Variants in SNX31 observed in about 807,000 individuals in gnomAD.
SNX31 encodes sorting nexin 31.
A neutral mutation model predicts 65.4 loss-of-function variants in SNX31; 58 were observed. The observed-to-expected ratio is 0.89, with a 90% CI of 0.72 to 1.10. SNX31 has a LOEUF of 1.10. SNX31 is among the 50% of genes least tolerant of loss of function. The pLI is 0.00. For synonymous variants in SNX31, 181 were observed against 190.1 expected (o/e 0.95, Z 0.39); for missense variants, 523 against 529.7 (o/e 0.99, Z 0.12).
chr8:100,652,062 T>A (rs2131310714), upstream of SNX31, among the ~76,000 whole-genome samples: 1 of 152,184 alleles, frequency 6.6e-6, no homozygotes, highest in Non-Finnish European at 1.5e-5. Flanking sequence ...CACTGCAAGC[T>A]CCACCTCCCG....
chr8:100,613,049 A>T lies in SNX31; in HGVS notation c.469T>A (p.Leu157Met). The part of the protein sequence containing the change: ...SHKIGLCREL[L>M]GYFGLFLIRF... Reference sequence around the variant, plus strand: ...ATGAGAAAGAGGCCGAAGTAGCCCAAGAGCTCTCGACACAGTCCAATTTTG... The same window carrying T: ...ATGAGAAAGAGGCCGAAGTAGCCCATGAGCTCTCGACACAGTCCAATTTTG... Residue 157 changes from leucine (L) to methionine (M), a missense_variant, in exon 6 of 14, where the codon TTG (leucine) becomes ATG (methionine). By Grantham distance (15) the Leu-to-Met change is conservative (BLOSUM62 2). Transcript: ENST00000311812. This position sits in a 1 kb window ranked among gnomAD's most constrained non-coding sequence, Gnocchi z 5.2. 1 of 1,614,050 alleles carries T rather than the reference A, an allele frequency of 6.2e-7. No homozygotes were observed. The highest frequency in any genetic ancestry group is 8.5e-7 in the Non-Finnish European group (1 of 1,179,980).
chr8:100,628,005 G>A (rs1818160665), intron 4 of SNX31, among the ~76,000 whole-genome samples: 1 of 152,160 alleles, frequency 6.6e-6, no homozygotes, highest in Non-Finnish European at 1.5e-5. Context: ...ATCATCACTG[G>A]CCATCAGAGA....
At chr8:100,619,955 T>A (rs1817562972) in intron 4 of SNX31, 1 of 151,846 alleles carries the variant, frequency 6.6e-6, no homozygotes. Context: ...GTAACCTCCT[T>A]TTTTTTTAAG....
intron 12 of SNX31, among the ~76,000 whole-genome samples, chr8:100,579,224 C>T (rs1386112727): frequency 6.6e-6 from 1 of 152,070 alleles, no homozygotes; most frequent in Non-Finnish European, 1.5e-5. Flanking sequence ...CTCCTGCTCC[C>T]TATGTCAAAG....
chr8:100,581,333 C>CTATA (rs1330316859), intron 12 of SNX31, among the ~76,000 whole-genome samples: 7 of 137,226 alleles, frequency 5.1e-5, no homozygotes, highest in South Asian at 2.2e-4. Flanking sequence ...ATCTATCTAT[C>CTATA]TATCTATATA....
chr8:100,618,366 A>T, intron 4 of SNX31: 1 of 1,533,020 alleles, frequency 6.5e-7, no homozygotes, highest in South Asian at 1.2e-5. Context: ...CCTAAAGCCC[A>T]TATCCCTGAT....
At position 100,617,746 on chromosome 8, in the gene SNX31, A is replaced by G. The variant is rs1455166906; in HGVS notation, c.322-16T>C. 1.9e-6 allele frequency: 3 copies of G among 1,580,232 alleles called. No individual in the cohort carries two copies. In the African/African-American group the frequency reaches 4.1e-5, roughly 22 times the overall value. On this transcript the variant is annotated splice_polypyrimidine_tract_variant and intron_variant, in intron 4 of 13. Transcript: ENST00000311812. ...CAAATGTATTCTATAAGCAAAAGAA[A>G]AGCAAAATAAATTTCCACACCTTTT...
rs775401650 is a variant in SNX31, at chr8:100,660,808, T to C, written c.-58+2334A>G. ...ACACTAGAATCATAAATCTGAATAA[T>C]ATTTGTAAAAGGGCTGCTTTGAGAG... On this transcript the variant is annotated intron_variant, in intron 1 of 5. Transcript: ENST00000520352. This position sits in a 1 kb window ranked among gnomAD's most constrained non-coding sequence, Gnocchi z 4.1. 1.3e-5 allele frequency among the ~76,000 whole-genome samples: 2 copies of C among 152,160 alleles called. No homozygotes were observed. Among genetic ancestry groups the C allele is most frequent in the Admixed American group, 6.5e-5 (1 of 15,276 alleles).
At chr8:100,581,425 C>A (rs1813546117) in intron 12 of SNX31, among the ~76,000 whole-genome samples, 1 of 150,596 alleles carries the variant, frequency 6.6e-6, no homozygotes, top group Non-Finnish European at 1.5e-5. Flanking sequence ...ATTTGCTTGA[C>A]CCAAATTTTA....
rs141470066 is a variant in SNX31 at position 100,599,551 on chromosome 8, A to G, written c.774+798T>C. ...GTGCCTTTCCTTTTTCTCTTTTTGC[A>G]GTTCATCAGTAAAAATCTCAAAGGT... On this transcript the variant is annotated intron_variant, in intron 9 of 13. Coordinates refer to ENST00000311812, the MANE Select transcript of SNX31 (RefSeq NM_152628.4). Among the ~76,000 whole-genome samples, 8 of 151,098 alleles carry G rather than the reference A, an allele frequency of 5.3e-5. No individual in the cohort carries two copies. In the East Asian group the frequency reaches 1.6e-3, roughly 29 times the overall value.
chr8:100,609,665 C>G lies in SNX31; in HGVS notation c.612-1102G>C, dbSNP rs572006288. On this transcript the variant is annotated intron_variant, in intron 7 of 13. Transcript: ENST00000311812. The surrounding 1 kb of genome is among the most constrained non-coding windows in gnomAD (Gnocchi z 4.9). ...TATGCTCAGAATAGGGTGAATAGAC[C>G]AATGGGGTTGGCTTAGACCAGGAAA... Among the ~76,000 whole-genome samples the G allele has an allele frequency of 6.6e-6, 1 of 152,224 alleles. No individual in the cohort carries two copies. The highest frequency in any genetic ancestry group is 6.5e-5 in the Admixed American group (1 of 15,294).
chr8:100,587,241 G>T (rs542935983), intron 11 of SNX31, among the ~76,000 whole-genome samples: 1 of 152,218 alleles, frequency 6.6e-6, no homozygotes, highest in South Asian at 2.1e-4. Context: ...AGTCTACTGC[G>T]GGGTTTCTGG....
In SNX31 at chr8:100,630,892, A is replaced by T. The variant is rs1408445271; in HGVS notation, c.257-501T>A. 6.6e-6 allele frequency among the ~76,000 whole-genome samples: 1 copy of T among 152,146 alleles called. No individual in the cohort carries two copies. Among genetic ancestry groups the T allele is most frequent in the Non-Finnish European group, 1.5e-5 (1 of 68,026 alleles). ...AATGTCCGTCTCCTGGGTTAAGACG[A>T]TTCTCTTGCCTCAGCCTCTGAAGTA... On this transcript the variant is annotated intron_variant, in intron 3 of 13. Transcript: ENST00000311812. The surrounding 1 kb of genome is among the most constrained non-coding windows in gnomAD (Gnocchi z 5.3).
At chr8:100,640,963 C>T (rs977122677) in intron 2 of SNX31, among the ~76,000 whole-genome samples, 1 of 152,070 alleles carries the variant, frequency 6.6e-6, no homozygotes, top group Admixed American at 6.6e-5. Flanking sequence ...AAGAATGTAT[C>T]AATACTGATT....
At chr8:100,597,236 G>C (rs904810598) in intron 9 of SNX31, among the ~76,000 whole-genome samples, 1 of 151,720 alleles carries the variant, frequency 6.6e-6, no homozygotes, top group Non-Finnish European at 1.5e-5. Flanking sequence ...AAACAAAAAA[G>C]TGTACATTGG....
rs1258253880 is a variant in SNX31, at chr8:100,583,797, A to C, written c.1170+314T>G. On this transcript the variant is annotated intron_variant, in intron 12 of 13. Coordinates refer to ENST00000311812, the MANE Select transcript of SNX31 (RefSeq NM_152628.4). The stretch of plus-strand genomic sequence containing the variant: ...CCTGACTTGAAGATGTAGCTTCTGT[A>C]ATAAATCTGAAAGCCTCCATGTCAG... Among the ~76,000 whole-genome samples the C allele has an allele frequency of 3.3e-5, 5 of 152,208 alleles. No homozygotes were observed. In the East Asian group the frequency reaches 9.6e-4, roughly 29 times the overall value.
chr8:100,618,070 C>T (rs569164125), intron 4 of SNX31: 2 of 985,370 alleles, frequency 2.0e-6, no homozygotes, highest in African/African-American at 1.7e-5. Context: ...CCGGCCTCCA[C>T]ACCATTTTTT....
At chr8:100,595,316 T>C (rs1182978409) in intron 10 of SNX31, among the ~76,000 whole-genome samples, 1 of 148,926 alleles carries the variant, frequency 6.7e-6, no homozygotes, top group African/African-American at 2.5e-5. Flanking sequence ...AATTTGTTGT[T>C]TTTTTTTTTT....
chr8:100,642,944 A>T (rs1379298705), intron 2 of SNX31, among the ~76,000 whole-genome samples: 1 of 152,088 alleles, frequency 6.6e-6, no homozygotes, highest in Non-Finnish European at 1.5e-5. Context: ...TAATCCTAGC[A>T]CTTTGGGAGG....
Sources: allele counts gnomAD v4.1 joint callset (sites outside exome capture counted in the v4.1 genomes callset), GRCh38; gene constraint gnomAD v4.1.1; non-coding constraint Gnocchi (gnomAD v3.1); transcripts MANE v1.5; gene names NCBI Gene and HGNC (gene_info 2026-07-23, HGNC 2026-07-21).